Variants in ITPR1 observed in about 807,000 individuals in gnomAD.
ITPR1 encodes inositol 1,4,5-trisphosphate-gated calcium channel ITPR1.
ITPR1 carries 96 observed loss-of-function variants against 318.4 expected under a neutral mutation model. The observed-to-expected ratio is 0.30, with a 90% CI of 0.26 to 0.36. The LOEUF is 0.36. ITPR1 is among the 10% of genes least tolerant of loss of function. The pLI, the probability that ITPR1 is intolerant of heterozygous loss-of-function variation, is 1.00. For synonymous variants in ITPR1, 1,312 were observed against 1,289.9 expected, an observed-to-expected ratio of 1.02 and a Z score of -0.37; for missense variants, 2,440 against 3,460.2, an observed-to-expected ratio of 0.71 and a Z score of 7.40.
At chr3:4,741,653 C>T (rs553496796) in intron 44 of ITPR1, among the ~76,000 whole-genome samples, 22 of 151,984 alleles carry the variant, frequency 1.4e-4, no homozygotes, top group African/African-American at 4.1e-4. Flanking sequence ...GGGAGGGACA[C>T]GTTGGTTGGG....
intron 61 of ITPR1, among the ~76,000 whole-genome samples, chr3:4,844,649 G>C (rs114104713): frequency 1.3e-5 from 2 of 152,194 alleles, no homozygotes; most frequent in African/African-American, 4.8e-5. Flanking sequence ...TTCCTGAGCC[G>C]AATCTGTGGA....
At chr3:4,830,121 A>G (rs145490180) in intron 60 of ITPR1, among the ~76,000 whole-genome samples, 2,774 of 151,796 alleles carry the variant, frequency 0.018, 45 homozygotes, top group Non-Finnish European at 0.026. Flanking sequence ...TTACAGGCAC[A>G]TGCCACCATG....
chr3:4,656,700 G>C (rs1339265045), intron 12 of ITPR1, among the ~76,000 whole-genome samples: 2 of 152,174 alleles, frequency 1.3e-5, no homozygotes, highest in Non-Finnish European at 2.9e-5. Flanking sequence ...CTTTGCCTTT[G>C]ATTTGATTTC....
At chr3:4,786,388 C>T (rs55963437) in intron 51 of ITPR1, among the ~76,000 whole-genome samples, 14,146 of 152,260 alleles carry the variant, frequency 0.093, 846 homozygotes, top group Non-Finnish European at 0.14. Context: ...AAAGACCACA[C>T]CCCCCAGAAC....
intron 4 of ITPR1, among the ~76,000 whole-genome samples, chr3:4,586,488 C>T (rs539496953): frequency 1.1e-3 from 164 of 147,114 alleles, no homozygotes; most frequent in Middle Eastern, 3.5e-3. Flanking sequence ...CACTGTCTGG[C>T]GGCAAGTAGC....
intron 55 of ITPR1, among the ~76,000 whole-genome samples, chr3:4,807,474 C>T (rs1219658063): frequency 1.3e-5 from 2 of 152,188 alleles, no homozygotes; most frequent in African/African-American, 4.8e-5. Flanking sequence ...GTGTATCTCC[C>T]TCACAGGGCC....
At chr3:4,633,306 C>A (rs571732063) in intron 5 of ITPR1, among the ~76,000 whole-genome samples, 1 of 152,220 alleles carries the variant, frequency 6.6e-6, no homozygotes, top group South Asian at 2.1e-4. Context: ...TGGAACTTTT[C>A]CCCCTAGTGT....
chr3:4,720,791 G>A (rs1256198440), intron 40 of ITPR1, among the ~76,000 whole-genome samples: 1 of 129,736 alleles, frequency 7.7e-6, no homozygotes, highest in African/African-American at 2.7e-5. Context: ...TGTAAAATTC[G>A]AGGTAGAGGG....
At chr3:4,747,288 C>A (rs968927602) in intron 44 of ITPR1, among the ~76,000 whole-genome samples, 4 of 152,176 alleles carry the variant, frequency 2.6e-5, no homozygotes, top group South Asian at 4.1e-4. Context: ...CTGTTTTGAT[C>A]CCTTTCTGCT....
At chr3:4,808,327 G>A (rs1362706450) in intron 55 of ITPR1, among the ~76,000 whole-genome samples, 1 of 152,230 alleles carries the variant, frequency 6.6e-6, no homozygotes, top group Non-Finnish European at 1.5e-5. Context: ...GGAGGCAGGA[G>A]AGCCTCACAA....
intron 42 of ITPR1, among the ~76,000 whole-genome samples, chr3:4,727,951 T>G (rs2042640570): frequency 6.6e-6 from 1 of 152,176 alleles, no homozygotes; most frequent in African/African-American, 2.4e-5. Context: ...ACAGGCACAT[T>G]TGCATTGTCA....
rs1574892388 is a variant in ITPR1, at chr3:4,693,820, G to A, written c.4281+79G>A. ...TCGTGGCTCACTGGGAGACATGGTG[G>A]TGGCTGGCCTGGGGGAGCCCTCATG... On this transcript the variant is annotated intron_variant, in intron 33 of 61. Transcript: ENST00000649015. 4 of 1,486,018 alleles carry A rather than the reference G, an allele frequency of 2.7e-6. No homozygotes were observed. The East Asian group carries it at 9.8e-5, about 36-fold the overall frequency. 92.1% of individuals were successfully genotyped at this position (1,486,018 alleles called of 1,614,324 possible).
chr3:4,712,590 G>A (rs2041462191), intron 39 of ITPR1, among the ~76,000 whole-genome samples: 2 of 152,156 alleles, frequency 1.3e-5, no homozygotes, highest in South Asian at 4.1e-4. Context: ...TTTCTGAGTA[G>A]GTGAATATGC....
intron 43 of ITPR1, among the ~76,000 whole-genome samples, chr3:4,734,208 C>T (rs181167038): frequency 2.6e-5 from 4 of 152,340 alleles, no homozygotes; most frequent in Non-Finnish European, 5.9e-5. Flanking sequence ...AAAATCAATG[C>T]AGAGGTTCTT....
At chr3:4,753,024 T>TTCTCTG (rs150028601) in intron 44 of ITPR1, among the ~76,000 whole-genome samples, 2,321 of 152,304 alleles carry the variant, frequency 0.015, 50 homozygotes, top group African/African-American at 0.053. Flanking sequence ...CAGGGAGGGC[T>TTCTCTG]TCTCTGGGGA....
chr3:4,532,870 C>A (rs992303852), intron 4 of ITPR1, among the ~76,000 whole-genome samples: 1 of 152,238 alleles, frequency 6.6e-6, no homozygotes, highest in African/African-American at 2.4e-5. Flanking sequence ...ACTATTAGTG[C>A]TGAGCAGTTA....
At chr3:4,768,912 T>C (rs1021392312) in intron 46 of ITPR1, 148 bp downstream of exon 46, 1 of 720,148 alleles carries the variant, frequency 1.4e-6, no homozygotes, top group Non-Finnish European at 2.2e-6. Flanking sequence ...TTCTTTTTTC[T>C]TTTTTCTTTT....
intron 53 of ITPR1, 195 bp from the exon 54 acceptor site, chr3:4,800,230 A>C: frequency 3.7e-6 from 2 of 544,766 alleles, no homozygotes; most frequent in Non-Finnish European, 6.4e-6. Flanking sequence ...CAGCAGAAGG[A>C]GCATGTGTGG....
chr3:4,714,566 G>C (rs2041627163), intron 39 of ITPR1, among the ~76,000 whole-genome samples: 1 of 152,218 alleles, frequency 6.6e-6, no homozygotes, highest in South Asian at 2.1e-4. Context: ...GTCTAGATGA[G>C]ATCAAGACTA....
Sources: allele counts gnomAD v4.1 joint callset (sites outside exome capture counted in the v4.1 genomes callset), GRCh38; gene constraint gnomAD v4.1.1; transcripts MANE v1.5; gene names NCBI Gene and HGNC (gene_info 2026-07-23, HGNC 2026-07-21).